The following SLC22A4 variants were observed in gnomAD, a reference collection of about 807,000 sequenced individuals.
The protein encoded by SLC22A4 is ET transporter.
In SLC22A4, 39 loss-of-function variants were observed where a neutral mutation model predicts 56.6. The ratio of observed to expected loss-of-function variants is 0.69; its 90% CI spans 0.53 to 0.90. The LOEUF (loss-of-function observed/expected upper bound fraction) is 0.90, where lower values mean the gene tolerates loss of function less well. Among genes scored for constraint, SLC22A4 ranks in the 40% least tolerant of loss-of-function variants. SLC22A4 has a pLI of 0.00. For synonymous variants in SLC22A4, 241 were observed against 281.4 expected (o/e 0.86, Z 1.44); for missense variants, 594 against 696.5 (o/e 0.85, Z 1.66).
At chr5:132,327,667 T>C (rs1470624817) in intron 5 of SLC22A4, among the ~76,000 whole-genome samples, 9 of 152,250 alleles carry the variant, frequency 5.9e-5, no homozygotes, top group African/African-American at 2.2e-4. Context: ...AAGTTTATCA[T>C]CAACTTTCTA....
intron 8 of SLC22A4, among the ~76,000 whole-genome samples, chr5:132,338,695 G>C (rs552231747): frequency 7.9e-5 from 12 of 152,212 alleles, no homozygotes; most frequent in Non-Finnish European, 1.6e-4. Context: ...ATTTACTTTT[G>C]AAAGAAGAGA....
intron 9 of SLC22A4, 79 bp from the exon 10 acceptor site, chr5:132,343,681 C>A: frequency 1.2e-6 from 1 of 854,172 alleles, no homozygotes; most frequent in Non-Finnish European, 1.9e-6. Context: ...AAATATTTTT[C>A]AATGTCAATT....
chr5:132,333,600 C>T (rs997016355), intron 6 of SLC22A4, among the ~76,000 whole-genome samples: 5 of 152,148 alleles, frequency 3.3e-5, no homozygotes, highest in South Asian at 2.1e-4. Context: ...AGCTTCTAAG[C>T]ACATAGTTAG....
chr5:132,294,459 C>T lies in SLC22A4; in HGVS notation c.-158C>T, dbSNP rs1246288896. ...ACGCTCCAACGCCTTCAGCCTGTTT[C>T]CCAGGAACGGTCCCCGGCTTCGCGC... On this transcript the variant is annotated 5_prime_UTR_variant, in exon 1 of 10. Coordinates refer to ENST00000200652, the MANE Select transcript of SLC22A4 (RefSeq NM_003059.3). The surrounding 1 kb of genome is among the most constrained non-coding windows in gnomAD (Gnocchi z 5.6). 1 of 998,442 alleles carries T rather than the reference C, an allele frequency of 1.0e-6. No individual in the cohort carries two copies. 61.8% of individuals were successfully genotyped at this position (998,442 alleles called of 1,614,324 possible). A position where few individuals can be genotyped will look rare whatever the true frequency, so the allele number is the denominator to read the frequency against.
At position 132,312,120 on chromosome 5, in the gene SLC22A4, C is replaced by T. The variant is rs752899285; in HGVS notation, c.394-41C>T. ...GAGCTGGGCTGGGGTTGAGGTCTGC[C>T]TCAGGGTTGGGCTCACGCTTCATGC... On this transcript the variant is annotated intron_variant, in intron 1 of 9. Coordinates refer to ENST00000200652, the MANE Select transcript of SLC22A4 (RefSeq NM_003059.3). The T allele has an allele frequency of 9.5e-6, 12 of 1,256,650 alleles. No homozygotes were observed. In the East Asian group the frequency reaches 1.4e-4, roughly 15 times the overall value. 77.8% of individuals were successfully genotyped at this position (1,256,650 alleles called of 1,614,324 possible).
chr5:132,313,643 C>T lies in SLC22A4; in HGVS notation c.527C>T (p.Thr176Ile). 1.9e-6 allele frequency: 3 copies of T among 1,614,232 alleles called. No homozygotes were observed. The highest frequency in any genetic ancestry group is 2.2e-5 in the South Asian group (2 of 91,082). ...RFGRKNVLFA[T>I]MAVQTGFSFL... ...GGCAGGAAGAACGTTCTCTTCGCAA[C>T]CATGGCTGTACAGACTGGCTTCAGC... The change falls in exon 3 of 10, where the codon ACC (threonine) becomes ATC (isoleucine). Residue 176 changes from threonine (T) to isoleucine (I), a missense_variant. By Grantham distance (89) the Thr-to-Ile change is moderately conservative. Transcript: ENST00000200652.
intron 5 of SLC22A4, among the ~76,000 whole-genome samples, chr5:132,330,585 G>T (rs1017567192): frequency 2.6e-5 from 4 of 152,078 alleles, no homozygotes; most frequent in Non-Finnish European, 5.9e-5. Flanking sequence ...AATTAGCCAG[G>T]TGTGGTGGCA....
rs1750252365 is a variant in SLC22A4 at position 132,313,743 on chromosome 5, C to T, written c.627C>T (p.Ser209=). 6.2e-7 allele frequency: 1 copy of T among 1,614,074 alleles called. No homozygotes were observed. Among genetic ancestry groups the T allele is most frequent in the African/African-American group, 1.3e-5 (1 of 74,946 alleles). The part of the protein sequence containing the change: ...LFVIVGMGQI[S]NYVVAFILGT... ...TCATCGTGGGCATGGGCCAGATCTC[C>T]AACTATGTGGTAGCCTTCATACTAG... The change falls in exon 3 of 10, where the codon TCC becomes TCT. Residue 209 remains serine, a synonymous_variant. Transcript: ENST00000200652.
In SLC22A4 at chr5:132,334,842, C is replaced by T. The variant is rs1440924692; in HGVS notation, c.1171C>T (p.Leu391=). The T allele has an allele frequency of 6.8e-6, 11 of 1,613,696 alleles. No individual in the cohort carries two copies. Among genetic ancestry groups the T allele is most frequent in the Non-Finnish European group, 9.3e-6 (11 of 1,179,576 alleles). ...EIPAYITAWL[L]LRTLPRRYII... is the part of the protein sequence containing the mutation. ...TCCAGCTTACATTACAGCCTGGCTG[C>T]TATTGCGAACCCTGCCCAGGCGTTA... Residue 391 remains leucine (L), a synonymous_variant, in exon 7 of 10, where the codon CTA becomes TTA. Transcript: ENST00000200652.
chr5:132,317,469 G>A (rs934655585), intron 3 of SLC22A4, among the ~76,000 whole-genome samples: 1 of 152,318 alleles, frequency 6.6e-6, no homozygotes, highest in East Asian at 1.9e-4. Context: ...GACTCCACTT[G>A]TTTTCAAGGT....
intron 5 of SLC22A4, among the ~76,000 whole-genome samples, chr5:132,328,909 A>G (rs55959116): frequency 0.62 from 90,573 of 146,060 alleles, 28,707 homozygotes; most frequent in African/African-American, 0.71. Flanking sequence ...ATGTGTATAT[A>G]TATATATATA....
rs761644362 is a variant in SLC22A4, at chr5:132,334,928, T to C, written c.1257T>C (p.Pro419=). 2 of 1,605,920 alleles carry C rather than the reference T, an allele frequency of 1.2e-6. No homozygotes were observed. Among genetic ancestry groups the C allele is most frequent in the South Asian group, 2.2e-5 (2 of 90,888 alleles). Residue 419 remains proline (P), a synonymous_variant, in exon 7 of 10, where the codon CCT becomes CCC. Transcript: ENST00000200652. ...GGVLLFIQLV[P]VDYYFLSIGL... is the part of the protein sequence containing the mutation. ...TGCTTCTCTTCATTCAACTGGTACC[T>C]GTGGGTAAGAAGTTAACCAAGATGA...
intron 4 of SLC22A4, 48 bp from the exon 5 acceptor site, chr5:132,327,229 C>CA (rs1750714154): frequency 7.8e-6 from 11 of 1,417,490 alleles, no homozygotes; most frequent in Non-Finnish European, 1.1e-5. Flanking sequence ...TAATAGTATC[C>CA]AGCCCTGCTG....
At chr5:132,305,224 T>C (rs1255377610) in intron 1 of SLC22A4, among the ~76,000 whole-genome samples, 1 of 152,114 alleles carries the variant, frequency 6.6e-6, no homozygotes, top group Admixed American at 6.5e-5. Flanking sequence ...TTGGAAATTA[T>C]GCAATCCAAA....
chr5:132,335,187 A>G (rs1256488873), intron 7 of SLC22A4, among the ~76,000 whole-genome samples: 1 of 152,214 alleles, frequency 6.6e-6, no homozygotes, highest in African/African-American at 2.4e-5. Context: ...CTTCACAGAA[A>G]GACTCACCTA....
At chr5:132,298,609 G>C (rs1217426621) in intron 1 of SLC22A4, among the ~76,000 whole-genome samples, 1 of 152,228 alleles carries the variant, frequency 6.6e-6, no homozygotes, top group Admixed American at 6.5e-5. Context: ...TATATTATGT[G>C]TACTTTATCT....
chr5:132,316,498 T>G (rs572785825), intron 3 of SLC22A4, among the ~76,000 whole-genome samples: 26 of 152,322 alleles, frequency 1.7e-4, no homozygotes, highest in African/African-American at 6.0e-4. Flanking sequence ...GCCATCAGTA[T>G]CCTCTCTTAT....
intron 3 of SLC22A4, among the ~76,000 whole-genome samples, chr5:132,314,912 A>G (rs1273464519): frequency 6.6e-6 from 1 of 152,198 alleles, no homozygotes; most frequent in Admixed American, 6.5e-5. Context: ...CTGGAGCCAC[A>G]TGGTCCCAGC....
chr5:132,319,174 C>T (rs993137002), intron 3 of SLC22A4, among the ~76,000 whole-genome samples: 9 of 151,918 alleles, frequency 5.9e-5, no homozygotes, highest in African/African-American at 1.9e-4. Context: ...TGGTGGCAAG[C>T]GCCTGTAGTC....
Sources: gnomAD v4.1 joint callset for allele counts (sites outside exome capture counted in the v4.1 genomes callset) on GRCh38, gnomAD v4.1.1 for gene constraint, Gnocchi (gnomAD v3.1) non-coding constraint, MANE v1.5 for transcripts, NCBI Gene and HGNC (gene_info 2026-07-23, HGNC 2026-07-21) for gene names.